The following C1QTNF3 variants were observed in gnomAD, a reference collection of about 807,000 sequenced individuals.
The protein encoded by C1QTNF3 is C1q and TNF related 3.
C1QTNF3 carries 26 observed loss-of-function variants against 32.6 expected under a neutral mutation model. The ratio of observed to expected loss-of-function variants is 0.80; its 90% CI spans 0.58 to 1.11. The LOEUF is 1.11. Among genes scored for constraint, C1QTNF3 ranks in the 50% least tolerant of loss-of-function variants. C1QTNF3 has a pLI of 0.00. For synonymous variants in C1QTNF3, 155 were observed against 146.0 expected (o/e 1.06, Z -0.44); for missense variants, 362 against 398.2 (o/e 0.91, Z 0.77).
chr5:34,206,128 A>G, the C1QTNF3 span, among the ~76,000 whole-genome samples: 2 of 151,982 alleles, frequency 1.3e-5, no homozygotes, highest in African/African-American at 4.8e-5. Context: ...GTCCATATTG[A>G]TATCAATAAA....
the C1QTNF3 span, among the ~76,000 whole-genome samples, chr5:34,147,647 G>A: frequency 6.6e-6 from 1 of 151,906 alleles, no homozygotes; most frequent in African/African-American, 2.4e-5. Flanking sequence ...GGGAAAAAGA[G>A]ACACTGTGGA....
At chr5:34,175,122 C>T in the C1QTNF3 span, among the ~76,000 whole-genome samples, 1,863 of 150,596 alleles carry the variant, frequency 0.012, 43 homozygotes, top group African/African-American at 0.043. Context: ...CAGCTTACTG[C>T]AGCCTCCAAC....
the C1QTNF3 span, among the ~76,000 whole-genome samples, chr5:34,161,947 G>A: frequency 6.6e-6 from 1 of 151,940 alleles, no homozygotes; most frequent in Admixed American, 6.6e-5. Context: ...TTTTTTTAAC[G>A]ATTTTTTTTC....
chr5:34,226,223 C>T, the C1QTNF3 span, among the ~76,000 whole-genome samples: 2 of 151,788 alleles, frequency 1.3e-5, no homozygotes, highest in Admixed American at 6.6e-5. Flanking sequence ...CTTCACCCTA[C>T]AAAAGAGAGA....
the C1QTNF3 span, among the ~76,000 whole-genome samples, chr5:34,213,349 A>G: frequency 3.3e-5 from 5 of 152,230 alleles, no homozygotes; most frequent in African/African-American, 1.2e-4. Flanking sequence ...ACACAAGGCT[A>G]TATTTCATTT....
At chr5:34,242,294 A>G in the C1QTNF3 span, among the ~76,000 whole-genome samples, 1 of 152,118 alleles carries the variant, frequency 6.6e-6, no homozygotes, top group East Asian at 1.9e-4. Flanking sequence ...TAACCATGAT[A>G]CTGTTACAAA....
At chr5:34,076,888 G>C in the C1QTNF3 span, among the ~76,000 whole-genome samples, 14 of 151,560 alleles carry the variant, frequency 9.2e-5, no homozygotes, top group South Asian at 2.9e-3. Flanking sequence ...TAGTCAGTGA[G>C]ATCACACAGG....
intron 4 of C1QTNF3, chr5:34,024,221 AC>A (rs1754408300): frequency 4.1e-6 from 2 of 484,856 alleles, no homozygotes; most frequent in Non-Finnish European, 7.5e-6. Context: ...CCCGAATAAG[AC>A]TTAAAAGTCT....
upstream of C1QTNF3, among the ~76,000 whole-genome samples, chr5:34,047,327 C>T (rs760973892): frequency 2.0e-5 from 3 of 152,228 alleles, no homozygotes; most frequent in Admixed American, 1.3e-4. Context: ...ATGTAAAAGC[C>T]AGATCTGTGA....
chr5:34,020,759 G>A lies in C1QTNF3; in HGVS notation c.801-17C>T. 6.2e-7 allele frequency: 1 copy of A among 1,606,644 alleles called. No individual in the cohort carries two copies. Among genetic ancestry groups the A allele is most frequent in the East Asian group, 2.2e-5 (1 of 44,694 alleles). ...ATTTCATAGCTGGAAAGAAAAAGAG[G>A]AACAAACTACTTAGTTTTTGCCATG... On this transcript the variant is annotated splice_polypyrimidine_tract_variant and intron_variant, in intron 5 of 5. Coordinates refer to ENST00000382065, the MANE Select transcript of C1QTNF3 (RefSeq NM_181435.6).
At chr5:34,093,712 C>T in the C1QTNF3 span, among the ~76,000 whole-genome samples, 1 of 150,392 alleles carries the variant, frequency 6.6e-6, no homozygotes, top group East Asian at 1.9e-4. Flanking sequence ...TATACCTACC[C>T]TAGCCTAATT....
the C1QTNF3 span, among the ~76,000 whole-genome samples, chr5:34,172,178 T>C: frequency 6.6e-6 from 1 of 152,186 alleles, no homozygotes. Flanking sequence ...GTTCAAATCC[T>C]ATACATACTG....
chr5:34,125,021 G>A, the C1QTNF3 span, among the ~76,000 whole-genome samples: 1 of 152,182 alleles, frequency 6.6e-6, no homozygotes, highest in African/African-American at 2.4e-5. Flanking sequence ...CTGACTCCAA[G>A]AGGTGATGGA....
At chr5:34,156,534 C>A in the C1QTNF3 span, among the ~76,000 whole-genome samples, 2 of 152,118 alleles carry the variant, frequency 1.3e-5, no homozygotes, top group African/African-American at 4.8e-5. Flanking sequence ...ATTACTCTCC[C>A]AATATGTAAT....
chr5:34,030,203 A>G (rs1314017838), intron 3 of C1QTNF3, among the ~76,000 whole-genome samples: 1 of 152,230 alleles, frequency 6.6e-6, no homozygotes, highest in Non-Finnish European at 1.5e-5. Context: ...AGAATCCAAG[A>G]AGTCATTTAA....
chr5:34,227,956 TC>T, the C1QTNF3 span, among the ~76,000 whole-genome samples: 1 of 151,562 alleles, frequency 6.6e-6, no homozygotes, highest in Admixed American at 6.6e-5. Context: ...ATTATTTGTC[TC>T]TTGTTGGCAT....
chr5:34,099,396 T>C, the C1QTNF3 span, among the ~76,000 whole-genome samples: 4 of 152,352 alleles, frequency 2.6e-5, no homozygotes, highest in Admixed American at 6.5e-5. Flanking sequence ...AGAGAAAATA[T>C]AGCTACATTT....
the C1QTNF3 span, among the ~76,000 whole-genome samples, chr5:34,117,803 T>TA: frequency 6.6e-6 from 1 of 152,186 alleles, no homozygotes; most frequent in African/African-American, 2.4e-5. Context: ...AAGGATCTGA[T>TA]ACAAGTTCTT....
At chr5:34,082,187 C>T in the C1QTNF3 span, among the ~76,000 whole-genome samples, 1 of 151,268 alleles carries the variant, frequency 6.6e-6, no homozygotes, top group African/African-American at 2.5e-5. Context: ...TTGCTCTGGC[C>T]CACTAAATCA....
Sources: gnomAD v4.1 joint callset for allele counts (sites outside exome capture counted in the v4.1 genomes callset) on GRCh38, gnomAD v4.1.1 for gene constraint, MANE v1.5 for transcripts, NCBI Gene and HGNC (gene_info 2026-07-23, HGNC 2026-07-21) for gene names.